GMDS: variants seen among roughly 807,000 people sequenced by gnomAD.
GMDS encodes GDP-mannose 4,6 dehydratase.
GMDS carries 20 observed loss-of-function variants against 49.9 expected under a neutral mutation model. The ratio of observed to expected loss-of-function variants is 0.40; its 90% CI spans 0.28 to 0.58. The LOEUF is 0.58. Ranked by LOEUF, GMDS falls within the 20% of genes least tolerant of loss-of-function variation. GMDS has a pLI of 0.42. For synonymous variants in GMDS, 177 were observed against 178.6 expected (o/e 0.99, Z 0.07); for missense variants, 362 against 481.4 (o/e 0.75, Z 2.32).
intron 9 of GMDS, among the ~76,000 whole-genome samples, chr6:1,651,762 G>A (rs1763658748): frequency 6.6e-6 from 1 of 152,176 alleles, no homozygotes; most frequent in Admixed American, 6.5e-5. Flanking sequence ...CTACCCCACA[G>A]AGTTGTAAGG....
At chr6:2,231,366 T>C (rs1327951842) in intron 1 of GMDS, among the ~76,000 whole-genome samples, 1 of 151,792 alleles carries the variant, frequency 6.6e-6, no homozygotes, top group Non-Finnish European at 1.5e-5. Context: ...TGAGATCAGA[T>C]TGGGCAACGT....
At position 1,682,356 on chromosome 6, in the gene GMDS, G is replaced by A. The variant is rs778743889; in HGVS notation, c.987+44060C>T. 1.2e-4 allele frequency among the ~76,000 whole-genome samples: 18 copies of A among 152,148 alleles called. 1 individual carries two copies. Among genetic ancestry groups the A allele is most frequent in the Admixed American group, 7.9e-4 (12 of 15,268 alleles). On this transcript the variant is annotated intron_variant, in intron 9 of 10. Coordinates refer to ENST00000380815, the MANE Select transcript of GMDS (RefSeq NM_001500.4). ...CAAACGAGCTCCTCTGCCAACCCCC[G>A]CCTCCTCAGGCCTCCACTGCTACCA...
chr6:2,086,402 C>G (rs539430550), intron 4 of GMDS, among the ~76,000 whole-genome samples: 1 of 152,320 alleles, frequency 6.6e-6, no homozygotes, highest in African/African-American at 2.4e-5. Context: ...ACCTAGAATT[C>G]CCATCATTCT....
intron 4 of GMDS, among the ~76,000 whole-genome samples, chr6:2,074,730 C>G (rs890280236): frequency 2.6e-5 from 4 of 152,100 alleles, no homozygotes; most frequent in Non-Finnish European, 5.9e-5. Context: ...TCTTGAACTC[C>G]TGGCCTCAAG....
chr6:1,906,474 C>T (rs1006847544), intron 7 of GMDS, among the ~76,000 whole-genome samples: 17 of 152,212 alleles, frequency 1.1e-4, no homozygotes, highest in African/African-American at 4.1e-4. Flanking sequence ...TGCAATTATT[C>T]TGTCATTGCA....
At chr6:2,199,672 C>T (rs1397350432) in intron 1 of GMDS, among the ~76,000 whole-genome samples, 1 of 152,190 alleles carries the variant, frequency 6.6e-6, no homozygotes, top group African/African-American at 2.4e-5. Context: ...ATGCAATGCC[C>T]CAAGCTCATT....
At chr6:2,208,175 G>A (rs9405548) in intron 1 of GMDS, among the ~76,000 whole-genome samples, 27,411 of 152,008 alleles carry the variant, frequency 0.18, 2,692 homozygotes, top group African/African-American at 0.25. Context: ...CGGGGTCAAC[G>A]ATAATCAATG....
intron 7 of GMDS, among the ~76,000 whole-genome samples, chr6:1,866,817 T>G (rs979965202): frequency 1.3e-5 from 2 of 152,166 alleles, no homozygotes; most frequent in African/African-American, 4.8e-5. Context: ...GGGGTACCCC[T>G]AAATCCCTAT....
chr6:1,870,142 A>G (rs1758655796), intron 7 of GMDS, among the ~76,000 whole-genome samples: 1 of 152,200 alleles, frequency 6.6e-6, no homozygotes, highest in Admixed American at 6.5e-5. Flanking sequence ...ACTTGAGTTG[A>G]AGGCTTTAAT....
intron 3 of GMDS, among the ~76,000 whole-genome samples, chr6:2,116,310 TA>T (rs1453942091): frequency 6.6e-6 from 1 of 152,206 alleles, no homozygotes; most frequent in Non-Finnish European, 1.5e-5. Context: ...TTTTATCTAG[TA>T]ATTTTCAAGT....
At chr6:1,796,603 A>G (rs940100673) in intron 7 of GMDS, among the ~76,000 whole-genome samples, 2 of 152,202 alleles carry the variant, frequency 1.3e-5, no homozygotes, top group Non-Finnish European at 2.9e-5. Flanking sequence ...AACCCTCAAA[A>G]TTTATTTCAA....
intron 4 of GMDS, among the ~76,000 whole-genome samples, chr6:2,038,845 C>A (rs1235424810): frequency 6.6e-6 from 1 of 152,178 alleles, no homozygotes. Flanking sequence ...GCAGGGGCAA[C>A]GTGAAGGCAC....
intron 7 of GMDS, among the ~76,000 whole-genome samples, chr6:1,840,557 A>G (rs370476316): frequency 1.2e-4 from 19 of 152,188 alleles, no homozygotes; most frequent in African/African-American, 4.6e-4. Flanking sequence ...CCCAGCAGAG[A>G]GGAAAGAGGG....
chr6:1,927,985 T>C (rs1415835433), intron 7 of GMDS, among the ~76,000 whole-genome samples: 1 of 152,230 alleles, frequency 6.6e-6, no homozygotes, highest in Non-Finnish European at 1.5e-5. Flanking sequence ...GATTTCCGAA[T>C]CCTTTTTCAC....
At chr6:1,641,425 T>A (rs1256176665) in intron 9 of GMDS, among the ~76,000 whole-genome samples, 1 of 152,216 alleles carries the variant, frequency 6.6e-6, no homozygotes, top group African/African-American at 2.4e-5. Flanking sequence ...AAAAGCTTTA[T>A]CTTCTTCCTG....
intron 7 of GMDS, among the ~76,000 whole-genome samples, chr6:1,888,119 T>TA (rs1554130167): frequency 1.4e-5 from 2 of 140,434 alleles, no homozygotes; most frequent in Non-Finnish European, 3.1e-5. Flanking sequence ...TGGCTATTTT[T>TA]TTATTATTAT....
At chr6:1,821,614 T>TG (rs1770901797) in intron 7 of GMDS, among the ~76,000 whole-genome samples, 3 of 32,230 alleles carry the variant, frequency 9.3e-5, no homozygotes. Flanking sequence ...TTTATTTGTT[T>TG]TTTTTTTTTT....
chr6:2,072,831 T>A (rs1562029060), intron 4 of GMDS, among the ~76,000 whole-genome samples: 2 of 152,230 alleles, frequency 1.3e-5, no homozygotes, highest in Admixed American at 1.3e-4. Context: ...ATCTTCTTGT[T>A]CCAAATGCCA....
At chr6:1,956,641 T>A (rs1165649622) in intron 6 of GMDS, among the ~76,000 whole-genome samples, 1 of 152,100 alleles carries the variant, frequency 6.6e-6, no homozygotes, top group African/African-American at 2.4e-5. Context: ...GTTTGTTCCC[T>A]GTAATAACAG....
Sources: allele counts gnomAD v4.1 joint callset (sites outside exome capture counted in the v4.1 genomes callset), GRCh38; gene constraint gnomAD v4.1.1; transcripts MANE v1.5; gene names NCBI Gene and HGNC (gene_info 2026-07-23, HGNC 2026-07-21).